Variants in SCUBE1 observed in about 807,000 individuals in gnomAD.
The protein encoded by SCUBE1 is signal peptide, CUB and EGF-like domain-containing protein 1.
SCUBE1 carries 59 observed loss-of-function variants against 124.4 expected under a neutral mutation model. The ratio of observed to expected loss-of-function variants is 0.47; its 90% CI spans 0.38 to 0.59. The LOEUF (loss-of-function observed/expected upper bound fraction) is 0.59, where lower values mean the gene tolerates loss of function less well. Among genes scored for constraint, SCUBE1 ranks in the 20% least tolerant of loss-of-function variants. The pLI, the probability that SCUBE1 is intolerant of heterozygous loss-of-function variation, is 0.00. For missense variants in SCUBE1, 1,150 were observed against 1,371.2 expected, an observed-to-expected ratio of 0.84 and a Z score of 2.55; for synonymous variants, 545 against 550.9, an observed-to-expected ratio of 0.99 and a Z score of 0.15.
intron 3 of SCUBE1, among the ~76,000 whole-genome samples, chr22:43,296,318 T>C (rs1255724481): frequency 6.6e-6 from 1 of 152,138 alleles, no homozygotes; most frequent in Non-Finnish European, 1.5e-5. Context: ...AGCCTGCGTG[T>C]AGTGAGGCCC....
intron 16 of SCUBE1, chr22:43,213,169 G>C (rs537551096): frequency 9.9e-4 from 154 of 155,908 alleles, no homozygotes; most frequent in Non-Finnish European, 1.6e-3. Flanking sequence ...AGGATGCAGA[G>C]AGTATTCTGG....
rs762345767 is a variant in SCUBE1 at position 43,339,164 on chromosome 22, G to A, written c.160C>T (p.Pro54Ser). Residue 54 changes from proline to serine, a missense_variant, in exon 2 of 22, where the codon CCC becomes TCC. Around this residue, in one of 3 missense-constraint regions of SCUBE1, gnomAD observed 337 missense variants for 482.1 expected, o/e 0.70. Coordinates refer to ENST00000360835, the MANE Select transcript of SCUBE1 (RefSeq NM_173050.5). ...CHIDAICQNT[P>S]KSYKCLCKPG... Reference sequence around the variant, plus strand: ...TTGCAGAGGCATTTGTAGGACTTGGGCGTGTTCTGACAGATGGCATCGATG... The same window carrying A: ...TTGCAGAGGCATTTGTAGGACTTGGACGTGTTCTGACAGATGGCATCGATG... The A allele has an allele frequency of 6.2e-7, 1 of 1,613,946 alleles. No individual in the cohort carries two copies.
chr22:43,313,899 C>G (rs930551525), intron 3 of SCUBE1, among the ~76,000 whole-genome samples: 1 of 152,252 alleles, frequency 6.6e-6, no homozygotes, highest in African/African-American at 2.4e-5. Context: ...GAACACTTTT[C>G]AAACTGGCCT....
intron 4 of SCUBE1, among the ~76,000 whole-genome samples, chr22:43,264,481 C>T (rs747355480): frequency 1.1e-4 from 16 of 152,146 alleles, no homozygotes; most frequent in Non-Finnish European, 1.8e-4. Context: ...TGGCCAGAGG[C>T]GGCTCTCGGT....
intron 3 of SCUBE1, among the ~76,000 whole-genome samples, chr22:43,314,004 C>T (rs1335524475): frequency 6.6e-6 from 1 of 152,210 alleles, no homozygotes; most frequent in Admixed American, 6.5e-5. Context: ...GGACAAGACT[C>T]TTGACCCAGA....
Position 43,255,483 on chromosome 22 carries a change from G to T in SCUBE1, c.727+2736C>A. 6.5e-7 allele frequency: 1 copy of T among 1,550,014 alleles called. No individual in the cohort carries two copies. Among genetic ancestry groups the T allele is most frequent in the Non-Finnish European group, 8.7e-7 (1 of 1,146,544 alleles). ...ACGACAAAGGAAGTGGAAGAAAAGT[G>T]TTACCCATGAGTAGCCGCCGTTTCA... is the stretch of plus-strand genomic sequence containing the variant. On this transcript the variant is annotated intron_variant, in intron 6 of 21. Transcript: ENST00000360835. The surrounding 1 kb of genome is among the most constrained non-coding windows in gnomAD (Gnocchi z 4.7).
Position 43,252,191 on chromosome 22 carries a change from C to G in SCUBE1, c.727+6028G>C, listed in dbSNP as rs888422306. On this transcript the variant is annotated intron_variant, in intron 6 of 21. Coordinates refer to ENST00000360835, the MANE Select transcript of SCUBE1 (RefSeq NM_173050.5). Reference sequence around the variant, plus strand: ...GCAATTGCTGGGTGCAGCCGAGAACCCAGTGGCCCAGGCCGCCGTGCTCGA... The same window carrying G: ...GCAATTGCTGGGTGCAGCCGAGAACGCAGTGGCCCAGGCCGCCGTGCTCGA... Among the ~76,000 whole-genome samples the G allele has an allele frequency of 5.3e-5, 8 of 152,232 alleles. No individual in the cohort carries two copies. The East Asian group carries it at 1.5e-3, about 29-fold the overall frequency.
At chr22:43,340,154 G>A (rs562189877) in intron 1 of SCUBE1, among the ~76,000 whole-genome samples, 1 of 151,850 alleles carries the variant, frequency 6.6e-6, no homozygotes, top group African/African-American at 2.4e-5. Context: ...GTGGAAACAC[G>A]GGATTCATCA....
intron 3 of SCUBE1, among the ~76,000 whole-genome samples, chr22:43,306,089 C>G (rs1468739421): frequency 6.6e-6 from 1 of 152,182 alleles, no homozygotes; most frequent in African/African-American, 2.4e-5. Flanking sequence ...CAGCCAGGCC[C>G]AGCAAACGTC....
intron 20 of SCUBE1, 151 bp downstream of exon 20, chr22:43,207,921 T>C: frequency 1.1e-6 from 1 of 921,518 alleles, no homozygotes; most frequent in Non-Finnish European, 1.7e-6. Context: ...TCAGCCTGTC[T>C]GGCTCTGGCC....
rs546354078 is a variant in SCUBE1, at chr22:43,201,887, C to G, written c.*2110G>C. 6.6e-6 allele frequency: 1 copy of G among 152,338 alleles called. No homozygotes were observed. The highest frequency in any genetic ancestry group is 2.4e-5 in the African/African-American group (1 of 41,574). The allele number at this position is 152,338 out of a possible 1,614,324, so 9.4% of individuals were successfully genotyped here. On this transcript the variant is annotated 3_prime_UTR_variant, in exon 22 of 22. Coordinates refer to ENST00000360835, the MANE Select transcript of SCUBE1 (RefSeq NM_173050.5). ...TGCTGCAGGCTCACTCGGCAGGATG[C>G]TCGCCTCTCATCTTGGGGATGACTG...
At chr22:43,284,603 C>A (rs1201297823) in intron 4 of SCUBE1, among the ~76,000 whole-genome samples, 1 of 152,226 alleles carries the variant, frequency 6.6e-6, no homozygotes, top group Non-Finnish European at 1.5e-5. Context: ...CCACTGGCAA[C>A]CCTGCAGTTC....
chr22:43,294,555 G>A (rs995956618), intron 3 of SCUBE1, among the ~76,000 whole-genome samples: 3 of 152,222 alleles, frequency 2.0e-5, no homozygotes, highest in Admixed American at 1.3e-4. Flanking sequence ...ATTATGAGAG[G>A]TGTCCTCATG....
In SCUBE1 at chr22:43,214,168, C is replaced by T. The variant is rs1306332201; in HGVS notation, c.1975G>A (p.Gly659Ser). ...GGGCACGGTGTGCAACTGAGCTGGC[C>T]TTCCATGTCCTGGTATGTTCCTGGC... ...CMPGTYQDME[G>S]QLSCTPCPSS... The change falls in exon 16 of 22, where the codon GGC becomes AGC. Residue 659 changes from glycine to serine, a missense_variant. This residue lies in a region of SCUBE1 where 757 missense variants were observed against 840.9 expected (regional missense o/e 0.90). Transcript: ENST00000360835. 3 of 1,613,112 alleles carry T rather than the reference C, an allele frequency of 1.9e-6. No individual in the cohort carries two copies. Among genetic ancestry groups the T allele is most frequent in the Non-Finnish European group, 2.5e-6 (3 of 1,179,948 alleles).
At chr22:43,313,298 G>A (rs1454731708) in intron 3 of SCUBE1, among the ~76,000 whole-genome samples, 1 of 152,064 alleles carries the variant, frequency 6.6e-6, no homozygotes, top group African/African-American at 2.4e-5. Context: ...CTCTTCAACA[G>A]GGAAAAAAAG....
At chr22:43,339,442 T>C (rs1329678546) in intron 1 of SCUBE1, among the ~76,000 whole-genome samples, 1 of 152,054 alleles carries the variant, frequency 6.6e-6, no homozygotes, top group Non-Finnish European at 1.5e-5. Context: ...GGGACAATGC[T>C]ATCAATACGC....
chr22:43,259,569 T>C (rs1335640179), intron 5 of SCUBE1, among the ~76,000 whole-genome samples: 1 of 152,194 alleles, frequency 6.6e-6, no homozygotes, highest in East Asian at 1.9e-4. Context: ...CTCCGCACTC[T>C]TCCTTTCACA....
intron 16 of SCUBE1, 49 bp downstream of exon 16, chr22:43,214,041 G>GCCCCCCCCCCCCCCCCCCCCCCCCCCC: frequency 4.1e-6 from 2 of 484,838 alleles, no homozygotes; most frequent in South Asian, 2.4e-5. Flanking sequence ...GACAGGAGGA[G>GCCCCCCCCCCCCCCCCCCCCCCCCCCC]CCCCCGCCCA....
intron 4 of SCUBE1, among the ~76,000 whole-genome samples, chr22:43,269,431 T>A (rs1924205898): frequency 6.6e-6 from 1 of 152,186 alleles, no homozygotes; most frequent in South Asian, 2.1e-4. Context: ...CGGCCCAGCG[T>A]GTTTGTACTT....
Sources: allele counts gnomAD v4.1 joint callset (sites outside exome capture counted in the v4.1 genomes callset), GRCh38; gene constraint gnomAD v4.1.1; regional missense constraint gnomAD v4.1.1; non-coding constraint Gnocchi (gnomAD v3.1); transcripts MANE v1.5; gene names NCBI Gene and HGNC (gene_info 2026-07-23, HGNC 2026-07-21).